The following FAAH2 variants were observed in gnomAD, a reference collection of about 807,000 sequenced individuals.
The protein encoded by FAAH2 is fatty-acid amide hydrolase 2.
A neutral mutation model predicts 36.9 loss-of-function variants in FAAH2; 60 were observed. The observed-to-expected ratio is 1.63, with a 90% CI of 1.32 to 2.02. The LOEUF is 2.02. FAAH2 is among the 30% of genes most tolerant of loss of function. The pLI, the probability that FAAH2 is intolerant of heterozygous loss-of-function variation, is 0.00. For synonymous variants in FAAH2, 214 were observed against 143.8 expected, an observed-to-expected ratio of 1.49 and a Z score of -3.49; for missense variants, 689 against 397.5, an observed-to-expected ratio of 1.73 and a Z score of -6.23.
chrX:57,241,411 A>T, the FAAH2 span, among the ~76,000 whole-genome samples: 1 of 108,244 alleles, frequency 9.2e-6, no homozygotes, highest in African/African-American at 3.5e-5. Flanking sequence ...AAAGTCTAAT[A>T]TGAAGCATCT....
chrX:57,250,928 A>G, the FAAH2 span, among the ~76,000 whole-genome samples: 2 of 111,840 alleles, frequency 1.8e-5, no homozygotes, highest in East Asian at 5.5e-4. Context: ...TATACCAAAC[A>G]TCTAAAGAAG....
intron 7 of FAAH2, chrX:57,392,769 G>T (rs902391115): frequency 3.3e-6 from 2 of 611,531 alleles, no homozygotes; most frequent in East Asian, 3.2e-5. Context: ...CCCGATGCTG[G>T]CATGGATGTT....
chrX:57,346,562 T>G (rs1447145078), intron 5 of FAAH2, among the ~76,000 whole-genome samples: 1 of 112,019 alleles, frequency 8.9e-6, no homozygotes, highest in Non-Finnish European at 1.9e-5. Flanking sequence ...CCTTTTTAGT[T>G]TGGTGTTTAG....
chrX:57,155,350 G>C, the FAAH2 span, among the ~76,000 whole-genome samples: 3 of 111,573 alleles, frequency 2.7e-5, no homozygotes, highest in Non-Finnish European at 5.7e-5. Context: ...GGCTGCTATG[G>C]CAGATGGGGG....
chrX:57,227,878 G>T, the FAAH2 span, among the ~76,000 whole-genome samples: 2 of 111,279 alleles, frequency 1.8e-5, no homozygotes, highest in African/African-American at 6.6e-5. Flanking sequence ...TACCAAGGCA[G>T]ATTATGGCTG....
chrX:57,448,541 G>T lies in FAAH2; in HGVS notation c.1246G>T (p.Glu416Ter), dbSNP rs2056726191. The part of the protein sequence containing the change: ...IPSIGLALLE[E>*]KLRYSNEKYQ... ...TTCTGTAGGACTGGCTTTGTTGGAA[G>T]AAAAGCTCAGATATAGCAATGAGAA... Residue 416 changes from glutamate (E) to a stop codon, truncating the protein, a stop_gained, in exon 10 of 11, where the codon GAA becomes TAA. Transcript: ENST00000374900. LOFTEE classifies it high-confidence loss of function. The T allele has an allele frequency of 8.3e-7, 1 of 1,208,013 alleles. No individual in the cohort carries two copies. Among genetic ancestry groups the T allele is most frequent in the African/African-American group, 1.8e-5 (1 of 57,015 alleles).
chrX:57,371,397 C>T (rs1294795190), intron 5 of FAAH2, among the ~76,000 whole-genome samples: 2 of 111,958 alleles, frequency 1.8e-5, no homozygotes, highest in Non-Finnish European at 3.8e-5. Context: ...GCCTCCAGCT[C>T]CATCCATGCT....
In FAAH2 at chrX:57,434,028, C is replaced by T. The variant is rs1291298506; in HGVS notation, c.1116+1991C>T. ...CTGTGCAAAAGAAATCTTCAAAATG[C>T]CAGATAAGGAAATCAAAATATTGAC... On this transcript the variant is annotated intron_variant, in intron 8 of 10. Transcript: ENST00000374900. 2.7e-5 allele frequency among the ~76,000 whole-genome samples: 3 copies of T among 110,291 alleles called. No homozygotes were observed. In the East Asian group the frequency reaches 8.4e-4, roughly 31 times the overall value.
the FAAH2 span, among the ~76,000 whole-genome samples, chrX:57,189,689 C>A: frequency 9.9e-5 from 11 of 111,421 alleles, no homozygotes; most frequent in African/African-American, 3.6e-4. Context: ...CACTCCAGAC[C>A]CTATTTGTTT....
chrX:57,380,931 G>T lies in FAAH2; in HGVS notation c.898G>T (p.Val300Leu), dbSNP rs2054828990. The T allele has an allele frequency of 8.4e-7, 1 of 1,186,579 alleles. No homozygotes were observed. Residue 300 changes from valine to leucine, a missense_variant, in exon 7 of 11, where the codon GTA (valine) becomes TTA (leucine). Physicochemically the swap from Val to Leu is conservative, Grantham distance 32. Transcript: ENST00000374900. Reference sequence around the variant, plus strand: ...ACACAGGTTAAAACTAGACACAAAGGTACATTTAAAAGACTTAAAATTTTA... The same window carrying T: ...ACACAGGTTAAAACTAGACACAAAGTTACATTTAAAAGACTTAAAATTTTA... The part of the protein sequence containing the change: ...GIKRLKLDTK[V>L]HLKDLKFYWM...
At chrX:57,377,954 T>C (rs1430041037) in intron 5 of FAAH2, among the ~76,000 whole-genome samples, 1 of 111,874 alleles carries the variant, frequency 8.9e-6, no homozygotes, top group Non-Finnish European at 1.9e-5. Context: ...TATTGGTATA[T>C]TGGAATGCTT....
the FAAH2 span, among the ~76,000 whole-genome samples, chrX:57,164,993 A>G: frequency 1.4e-4 from 16 of 112,624 alleles, no homozygotes; most frequent in African/African-American, 4.8e-4. Context: ...TGATTCTGAA[A>G]TGTGTAGATA....
At chrX:57,197,989 G>C in the FAAH2 span, among the ~76,000 whole-genome samples, 1 of 111,887 alleles carries the variant, frequency 8.9e-6, no homozygotes, top group Non-Finnish European at 1.9e-5. Context: ...TGGTGTAATG[G>C]ATTGAGTTTG....
chrX:57,299,358 A>G (rs753180375), intron 2 of FAAH2, among the ~76,000 whole-genome samples: 37 of 112,223 alleles, frequency 3.3e-4, no homozygotes, highest in African/African-American at 1.1e-3. Flanking sequence ...CAAAAACCAC[A>G]TGATTATCTC....
chrX:57,166,410 C>A, the FAAH2 span, among the ~76,000 whole-genome samples: 1 of 111,710 alleles, frequency 9.0e-6, no homozygotes, highest in African/African-American at 3.3e-5. Flanking sequence ...CACTGTAATA[C>A]ACACCCACCC....
At chrX:57,467,544 G>T (rs1004807553) in intron 10 of FAAH2, among the ~76,000 whole-genome samples, 2 of 111,743 alleles carry the variant, frequency 1.8e-5, no homozygotes, top group Non-Finnish European at 3.8e-5. Context: ...GTGACAGCGA[G>T]GCTGGAGGAG....
the FAAH2 span, among the ~76,000 whole-genome samples, chrX:57,279,317 C>A: frequency 1.7e-4 from 19 of 112,047 alleles, no homozygotes; most frequent in African/African-American, 5.8e-4. Flanking sequence ...ATGGATGAAG[C>A]CAGAAACCAT....
At chrX:57,198,116 G>A in the FAAH2 span, among the ~76,000 whole-genome samples, 2 of 111,129 alleles carry the variant, frequency 1.8e-5, no homozygotes, top group South Asian at 3.9e-4. Flanking sequence ...GCAGTTAGGG[G>A]TGGGGCCATA....
chrX:57,393,965 A>T, intron 7 of FAAH2: 2 of 802,092 alleles, frequency 2.5e-6, no homozygotes, highest in Non-Finnish European at 3.8e-6. Flanking sequence ...TAACCTTTGT[A>T]TGTGGATATC....
Sources: gnomAD v4.1 joint callset for allele counts (sites outside exome capture counted in the v4.1 genomes callset) on GRCh38, gnomAD v4.1.1 for gene constraint, MANE v1.5 for transcripts, NCBI Gene and HGNC (gene_info 2026-07-23, HGNC 2026-07-21) for gene names.